The following CNGB1 variants were observed in gnomAD, a reference collection of about 807,000 sequenced individuals.
The protein encoded by CNGB1 is cyclic nucleotide-gated channel beta-1.
Under a neutral mutation model 151.7 loss-of-function variants are expected in CNGB1, and 126 were observed. The ratio of observed to expected loss-of-function variants is 0.83; its 90% CI spans 0.72 to 0.96. CNGB1 has a LOEUF of 0.96. CNGB1 is among the 40% of genes least tolerant of loss of function. CNGB1 has a pLI of 0.00. For missense variants in CNGB1, 1,698 were observed against 1,627.0 expected (o/e 1.04, Z -0.75); for synonymous variants, 623 against 635.1 (o/e 0.98, Z 0.29).
chr16:57,964,098 G>T, intron 4 of CNGB1, 32 bp downstream of exon 4: 2 of 1,608,396 alleles, frequency 1.2e-6, no homozygotes, highest in Non-Finnish European at 1.7e-6. Context: ...GAGGCGGGCT[G>T]GCCCTGAAGA....
chr16:57,905,404 G>A (rs1404891118), intron 25 of CNGB1, among the ~76,000 whole-genome samples: 1 of 152,216 alleles, frequency 6.6e-6, no homozygotes, highest in Admixed American at 6.5e-5. Flanking sequence ...CACACCCGTG[G>A]TCACTAGTTG....
In CNGB1 at chr16:57,889,546, A is replaced by G. The variant is rs138602339; in HGVS notation, c.3243-1472T>C. On this transcript the variant is annotated intron_variant, in intron 31 of 32. Transcript: ENST00000251102. Reference sequence around the variant, plus strand: ...TGACAATCTTGCAGAGGACCTAGCTAAGCCATGTCCGGACTTCTAACCCAC... The same window carrying G: ...TGACAATCTTGCAGAGGACCTAGCTGAGCCATGTCCGGACTTCTAACCCAC... Among the ~76,000 whole-genome samples, 300 of 152,356 alleles carry G rather than the reference A, an allele frequency of 2.0e-3. 1 individual carries two copies. In the Middle Eastern group the frequency reaches 0.02, roughly 10 times the overall value.
chr16:57,940,103 C>T, intron 15 of CNGB1, 131 bp downstream of exon 15: 1 of 922,398 alleles, frequency 1.1e-6, no homozygotes, highest in Non-Finnish European at 1.7e-6. Flanking sequence ...GGACCCGCCA[C>T]CCTGCTCCCT....
At chr16:57,926,607 T>C (rs1028469060) in intron 17 of CNGB1, among the ~76,000 whole-genome samples, 1 of 152,168 alleles carries the variant, frequency 6.6e-6, no homozygotes, top group Non-Finnish European at 1.5e-5. Flanking sequence ...CACAAGAAGA[T>C]TGGGGCCAAA....
Position 57,884,403 on chromosome 16 carries a change from G to A in CNGB1, c.3517C>T (p.His1173Tyr), listed in dbSNP as rs529956339. Reference protein sequence around the residue: ...GEEGSAAPDQHTHPKEAATDP... With the variant: ...GEEGSAAPDQYTHPKEAATDP... Reference sequence around the variant, plus strand: ...GTGGCGGCCTCCTTTGGGTGCGTGTGCTGGTCTGGGGCGGCGGAGCCTTCC... The same window carrying A: ...GTGGCGGCCTCCTTTGGGTGCGTGTACTGGTCTGGGGCGGCGGAGCCTTCC... The change falls in exon 33 of 33, where the codon CAC becomes TAC. Residue 1173 changes from histidine to tyrosine, a missense_variant. Coordinates refer to ENST00000251102, the MANE Select transcript of CNGB1 (RefSeq NM_001297.5). 1.9e-6 allele frequency: 3 copies of A among 1,613,526 alleles called. No homozygotes were observed. Among genetic ancestry groups the A allele is most frequent in the East Asian group, 2.2e-5 (1 of 44,822 alleles).
chr16:57,926,612 G>A (rs1961196522), intron 17 of CNGB1, among the ~76,000 whole-genome samples: 1 of 152,202 alleles, frequency 6.6e-6, no homozygotes, highest in Non-Finnish European at 1.5e-5. Context: ...GAAGATTGGG[G>A]CCAAAAACCC....
chr16:57,940,012 G>A (rs1961622153), intron 15 of CNGB1, among the ~76,000 whole-genome samples: 1 of 152,228 alleles, frequency 6.6e-6, no homozygotes, highest in South Asian at 2.1e-4. Context: ...GGCACCCACA[G>A]GAGGACTCGA....
intron 23 of CNGB1, among the ~76,000 whole-genome samples, chr16:57,913,767 C>T (rs1282753456): frequency 6.6e-6 from 1 of 152,194 alleles, no homozygotes; most frequent in African/African-American, 2.4e-5. Context: ...AAGCATGAGC[C>T]GCCACACCCA....
Position 57,950,525 on chromosome 16 carries a change from C to G in CNGB1, c.890G>C (p.Gly297Ala), listed in dbSNP as rs764296494. The change falls in exon 13 of 33, where the codon GGA (glycine) becomes GCA (alanine). Residue 297 changes from glycine (G) to alanine (A), a missense_variant. Physicochemically the swap from Gly to Ala is moderately conservative, Grantham distance 60 (BLOSUM62 0). Coordinates refer to ENST00000251102, the MANE Select transcript of CNGB1 (RefSeq NM_001297.5). ...GACAAGGTCAGGCTCCACTTGTCCT[C>G]CAGGAAGGATGCTGACTGCAGGGAA... ...CDVQTISILPGGQVEPDLVLE... is the reference protein window; with the variant it reads ...CDVQTISILPAGQVEPDLVLE... 1.2e-6 allele frequency: 2 copies of G among 1,614,154 alleles called. No homozygotes were observed. Among genetic ancestry groups the G allele is most frequent in the Admixed American group, 3.3e-5 (2 of 60,022 alleles).
rs1057471463 is a variant in CNGB1, at chr16:57,955,359, C to T, written c.874+1982G>A. 3.2e-6 allele frequency: 5 copies of T among 1,551,714 alleles called. No individual in the cohort carries two copies. The South Asian group carries it at 5.9e-5, about 18-fold the overall frequency. On this transcript the variant is annotated intron_variant, in intron 12 of 32. Coordinates refer to ENST00000251102, the MANE Select transcript of CNGB1 (RefSeq NM_001297.5). ...TCCCTTATTTCAGAGACCTCCAGCT[C>T]CCATCACCCCTGAAACAAAGGAGAA...
At chr16:57,959,842 CT>C in intron 10 of CNGB1, 45 bp downstream of exon 10, 1 of 1,457,484 alleles carries the variant, frequency 6.9e-7, no homozygotes, top group Non-Finnish European at 9.1e-7. Context: ...GGACAAGGTG[CT>C]CATCCTGCTC....
At chr16:57,917,048 A>G (rs1238433701) in intron 21 of CNGB1, among the ~76,000 whole-genome samples, 3 of 152,234 alleles carry the variant, frequency 2.0e-5, no homozygotes, top group Non-Finnish European at 2.9e-5. Flanking sequence ...GTGGTCCAGG[A>G]ACTATTTCAC....
At chr16:57,901,303 A>C in intron 29 of CNGB1, 49 bp downstream of exon 29, 1 of 1,577,668 alleles carries the variant, frequency 6.3e-7, no homozygotes, top group Non-Finnish European at 8.7e-7. Context: ...CTTGAAAGCC[A>C]GGGGGATGGT....
intron 12 of CNGB1, among the ~76,000 whole-genome samples, chr16:57,956,176 T>C (rs1156766797): frequency 2.6e-5 from 4 of 152,128 alleles, no homozygotes; most frequent in African/African-American, 9.7e-5. Flanking sequence ...AGGAAACGTT[T>C]TTAGTTCCTT....
chr16:57,928,551 G>A (rs868755489), intron 17 of CNGB1, among the ~76,000 whole-genome samples: 3 of 152,354 alleles, frequency 2.0e-5, no homozygotes, highest in South Asian at 4.1e-4. Flanking sequence ...AGAGGAGAAT[G>A]CAGAGTAGTA....
intron 12 of CNGB1, among the ~76,000 whole-genome samples, chr16:57,956,287 A>G (rs1287050358): frequency 2.0e-5 from 3 of 152,180 alleles, no homozygotes; most frequent in African/African-American, 7.2e-5. Context: ...CCCAACAGCC[A>G]TGAGGGTCTC....
intron 1 of CNGB1, among the ~76,000 whole-genome samples, chr16:57,968,374 G>A (rs951264473): frequency 1.3e-5 from 2 of 152,166 alleles, no homozygotes; most frequent in Non-Finnish European, 1.5e-5. Flanking sequence ...GCAGGCACCT[G>A]TAATCCCAGC....
At chr16:57,969,890 C>T (rs1962496494) in intron 1 of CNGB1, among the ~76,000 whole-genome samples, 1 of 152,198 alleles carries the variant, frequency 6.6e-6, no homozygotes, top group Admixed American at 6.5e-5. Flanking sequence ...CACCCCTCTC[C>T]CAGCCATGGG....
At chr16:57,888,396 TCTCTCTC>T (rs1269206469) in intron 31 of CNGB1, among the ~76,000 whole-genome samples, 9 of 152,056 alleles carry the variant, frequency 5.9e-5, no homozygotes, top group Non-Finnish European at 1.3e-4. Flanking sequence ...TCTGTCTCTC[TCTCTCTC>T]CTCTCTCTTC....
Sources: allele counts gnomAD v4.1 joint callset (sites outside exome capture counted in the v4.1 genomes callset), GRCh38; gene constraint gnomAD v4.1.1; transcripts MANE v1.5; gene names NCBI Gene and HGNC (gene_info 2026-07-23, HGNC 2026-07-21).